NEDD4L: variants seen among roughly 807,000 people sequenced by gnomAD.
NEDD4L encodes the protein E3 ubiquitin-protein ligase NEDD4-like.
In NEDD4L, 54 loss-of-function variants were observed where a neutral mutation model predicts 148.9. That is an observed-to-expected ratio of 0.36 (90% CI 0.29 to 0.45). The LOEUF (loss-of-function observed/expected upper bound fraction) is 0.45, where lower values mean the gene tolerates loss of function less well. Among genes scored for constraint, NEDD4L ranks in the 20% least tolerant of loss-of-function variants. NEDD4L has a pLI of 1.00. For synonymous variants in NEDD4L, 433 were observed against 440.7 expected (o/e 0.98, Z 0.22); for missense variants, 856 against 1,233.8 (o/e 0.69, Z 4.59).
chr18:58,159,727 A>G (rs1414587107), intron 1 of NEDD4L, among the ~76,000 whole-genome samples: 1 of 152,242 alleles, frequency 6.6e-6, no homozygotes, highest in Non-Finnish European at 1.5e-5. Flanking sequence ...TACGTAACTT[A>G]CATATTTATG....
intron 5 of NEDD4L, among the ~76,000 whole-genome samples, chr18:58,304,727 C>G (rs771027290): frequency 5.3e-5 from 8 of 152,140 alleles, no homozygotes; most frequent in Non-Finnish European, 8.8e-5. Context: ...TTCCACAAAC[C>G]CATTATGTAG....
At chr18:58,151,173 A>G (rs1344121746) in intron 1 of NEDD4L, among the ~76,000 whole-genome samples, 2 of 152,168 alleles carry the variant, frequency 1.3e-5, no homozygotes, top group Non-Finnish European at 2.9e-5. Flanking sequence ...ATGCCTATAG[A>G]CGGGTCTGTC....
intron 1 of NEDD4L, among the ~76,000 whole-genome samples, chr18:58,092,727 A>G (rs1425641694): frequency 6.6e-6 from 1 of 151,792 alleles, no homozygotes; most frequent in East Asian, 1.9e-4. Context: ...TGAAGGCAAC[A>G]GCACTTGAGA....
At chr18:58,102,431 C>A (rs530009466) in intron 1 of NEDD4L, among the ~76,000 whole-genome samples, 5 of 152,264 alleles carry the variant, frequency 3.3e-5, no homozygotes, top group African/African-American at 1.2e-4. Flanking sequence ...AAATATGTGG[C>A]AAAAATTCTG....
intron 28 of NEDD4L, 66 bp downstream of exon 28, chr18:58,389,258 C>T (rs1169620591): frequency 8.4e-7 from 1 of 1,193,438 alleles, no homozygotes; most frequent in East Asian, 2.4e-5. Context: ...CTGTGTGGCG[C>T]CCTCCATTGT....
At chr18:58,261,938 A>G (rs369230662) in intron 5 of NEDD4L, among the ~76,000 whole-genome samples, 19 of 152,352 alleles carry the variant, frequency 1.2e-4, no homozygotes, top group African/African-American at 4.3e-4. Flanking sequence ...TGCTGATTCT[A>G]CACAAAGGTA....
chr18:58,220,328 C>G (rs1381277629), intron 2 of NEDD4L, among the ~76,000 whole-genome samples: 1 of 152,138 alleles, frequency 6.6e-6, no homozygotes, highest in Admixed American at 6.5e-5. Flanking sequence ...ATTGCTTAAA[C>G]CCCAGAGGCA....
intron 2 of NEDD4L, among the ~76,000 whole-genome samples, chr18:58,186,237 C>T (rs958204625): frequency 2.6e-5 from 4 of 152,246 alleles, no homozygotes; most frequent in African/African-American, 9.6e-5. Context: ...TTCTCCTTCT[C>T]TCCCCCACTC....
chr18:58,110,037 T>C (rs982095985), intron 1 of NEDD4L, among the ~76,000 whole-genome samples: 19 of 152,130 alleles, frequency 1.2e-4, no homozygotes, highest in Non-Finnish European at 2.4e-4. Flanking sequence ...GAGACTGAGG[T>C]TCTGAACTTG....
intron 5 of NEDD4L, among the ~76,000 whole-genome samples, chr18:58,267,058 C>A (rs1171856173): frequency 6.6e-6 from 1 of 151,952 alleles, no homozygotes; most frequent in Non-Finnish European, 1.5e-5. Flanking sequence ...TCTTTCCTTC[C>A]GTATATTTGT....
intron 2 of NEDD4L, among the ~76,000 whole-genome samples, chr18:58,239,499 C>A (rs1428307238): frequency 6.6e-6 from 1 of 152,204 alleles, no homozygotes; most frequent in Non-Finnish European, 1.5e-5. Flanking sequence ...CTGCCCTCCC[C>A]TCTCCCCTTA....
intron 12 of NEDD4L, among the ~76,000 whole-genome samples, chr18:58,334,524 A>G (rs1169563071): frequency 6.6e-6 from 1 of 152,268 alleles, no homozygotes; most frequent in Non-Finnish European, 1.5e-5. Flanking sequence ...TGATGTACAC[A>G]TTAAAAATAA....
chr18:58,095,133 C>G (rs1229059680), intron 1 of NEDD4L, among the ~76,000 whole-genome samples: 4 of 152,116 alleles, frequency 2.6e-5, no homozygotes, highest in Non-Finnish European at 4.4e-5. Context: ...TGTTTTATTC[C>G]TATGTTCTTT....
chr18:58,363,110 C>T (rs966887141), intron 19 of NEDD4L, among the ~76,000 whole-genome samples: 42 of 152,200 alleles, frequency 2.8e-4, no homozygotes, highest in African/African-American at 9.6e-4. Context: ...ATTTTTTGCT[C>T]TGGAATTACA....
intron 1 of NEDD4L, among the ~76,000 whole-genome samples, chr18:58,059,647 T>C (rs980880859): frequency 6.6e-6 from 1 of 152,186 alleles, no homozygotes; most frequent in African/African-American, 2.4e-5. Context: ...GTCCATGAAG[T>C]TGTCACTTGG....
intron 5 of NEDD4L, among the ~76,000 whole-genome samples, chr18:58,301,760 C>A (rs2056493234): frequency 1.3e-5 from 2 of 152,140 alleles, no homozygotes; most frequent in South Asian, 4.1e-4. Flanking sequence ...AGCCTTAGTT[C>A]TAGCCATTGA....
At chr18:58,193,129 T>C (rs1463487404) in intron 2 of NEDD4L, among the ~76,000 whole-genome samples, 1 of 152,184 alleles carries the variant, frequency 6.6e-6, no homozygotes, top group Non-Finnish European at 1.5e-5. Context: ...TCATTTTATT[T>C]AGGAGCTATT....
chr18:58,124,882 GTAAT>G (rs111614317), intron 1 of NEDD4L, among the ~76,000 whole-genome samples: 2,590 of 152,272 alleles, frequency 0.017, 29 homozygotes, highest in African/African-American at 0.025. Flanking sequence ...TAAAACCTAT[GTAAT>G]TAATTAATTA....
intron 5 of NEDD4L, among the ~76,000 whole-genome samples, chr18:58,282,008 G>A (rs2053195865): frequency 1.3e-5 from 2 of 150,768 alleles, no homozygotes; most frequent in Admixed American, 1.3e-4. Context: ...CTGGGCGACA[G>A]AGTGAGACTC....
Sources: allele counts gnomAD v4.1 joint callset (sites outside exome capture counted in the v4.1 genomes callset), GRCh38; gene constraint gnomAD v4.1.1; transcripts MANE v1.5; gene names NCBI Gene and HGNC (gene_info 2026-07-23, HGNC 2026-07-21).